The following JADE2 variants were observed in gnomAD, a reference collection of about 807,000 sequenced individuals.
JADE2 encodes the protein E3 ubiquitin-protein ligase Jade-2.
In JADE2, 13 loss-of-function variants were observed where a neutral mutation model predicts 85.7. The ratio of observed to expected loss-of-function variants is 0.15; its 90% CI spans 0.10 to 0.24. The LOEUF (loss-of-function observed/expected upper bound fraction) is 0.24, where lower values mean the gene tolerates loss of function less well. JADE2 is among the 10% of genes least tolerant of loss of function. The probability of loss-of-function intolerance (pLI) is 1.00; values close to 1 mark genes in which losing one functional copy is unlikely to be tolerated. For missense variants in JADE2, 846 were observed against 1,115.9 expected (o/e 0.76, Z 3.45); for synonymous variants, 440 against 456.1 (o/e 0.96, Z 0.45).
chr5:134,551,458 G>T (rs1340567662), intron 3 of JADE2, among the ~76,000 whole-genome samples: 2 of 151,746 alleles, frequency 1.3e-5, no homozygotes, highest in Non-Finnish European at 1.5e-5. Context: ...CAAAATCCTG[G>T]ATTCAAGCAG....
intron 3 of JADE2, among the ~76,000 whole-genome samples, chr5:134,539,043 TTTTATTTATTTA>T (rs58839611): frequency 1.6e-4 from 21 of 134,416 alleles, no homozygotes; most frequent in East Asian, 6.4e-4. Flanking sequence ...TTTATTTTTA[TTTTATTTATTTA>T]TTTATTTATT....
chr5:134,536,156 C>T (rs908905206), intron 2 of JADE2, among the ~76,000 whole-genome samples: 1 of 152,196 alleles, frequency 6.6e-6, no homozygotes, highest in African/African-American at 2.4e-5. Flanking sequence ...CTCTAGGTCC[C>T]AGCTCCATTT....
chr5:134,546,780 A>T (rs1240113021), intron 3 of JADE2, among the ~76,000 whole-genome samples: 1 of 150,744 alleles, frequency 6.6e-6, no homozygotes, highest in Admixed American at 6.6e-5. Flanking sequence ...AAAAAAAAAA[A>T]TGTGTATATA....
At chr5:134,538,476 G>A (rs1050918324) in intron 3 of JADE2, among the ~76,000 whole-genome samples, 5 of 152,194 alleles carry the variant, frequency 3.3e-5, no homozygotes, top group African/African-American at 1.2e-4. Context: ...GCCGAGCCAA[G>A]AGTGATAAGG....
At chr5:134,565,870 C>T (rs564135931) in intron 8 of JADE2, among the ~76,000 whole-genome samples, 265 of 151,296 alleles carry the variant, frequency 1.8e-3, no homozygotes, top group Admixed American at 3.9e-3. Context: ...GTTTCTCAAC[C>T]GTCTTCTGAT....
At position 134,578,347 on chromosome 5, in the gene JADE2, G is replaced by C. The variant is rs1422006395; in HGVS notation, c.1682-147G>C. On this transcript the variant is annotated intron_variant, in intron 11 of 11. Transcript: ENST00000681547. This position sits in a 1 kb window ranked among gnomAD's most constrained non-coding sequence, Gnocchi z 4.4. ...CTTTGGTGGTGTTGGCAGGAGGGAT[G>C]GACAAAACAAGATAGCTCACCTGGG... The C allele has an allele frequency of 4.6e-6, 3 of 657,690 alleles. No individual in the cohort carries two copies. Among genetic ancestry groups the C allele is most frequent in the Non-Finnish European group, 8.0e-6 (3 of 373,446 alleles). 40.7% of individuals were successfully genotyped at this position (657,690 alleles called of 1,614,324 possible).
chr5:134,526,568 G>A, intron 1 of JADE2: 1 of 985,370 alleles, frequency 1.0e-6, no homozygotes, highest in Non-Finnish European at 1.2e-6. Flanking sequence ...ACATGACCTC[G>A]CGCTGGGCTC....
chr5:134,529,128 T>A (rs1449479149), intron 1 of JADE2, among the ~76,000 whole-genome samples: 14 of 152,234 alleles, frequency 9.2e-5, no homozygotes, highest in Non-Finnish European at 2.9e-5. Flanking sequence ...CTTATGCTCA[T>A]GACACAGGTA....
At position 134,578,768 on chromosome 5, in the gene JADE2, A is replaced by G. The variant is rs755306072; in HGVS notation, c.1956A>G (p.Pro652=). The stretch of plus-strand genomic sequence containing the variant: ...TGCCTGCCAAGAAGAAACCACCACC[A>G]CCACCACCGCAGGACGGGCCTGGTT... ...TRLPAKKKPP[P]PPPQDGPGSR... Residue 652 remains proline, a synonymous_variant, in exon 12 of 12, where the codon CCA becomes CCG. Transcript: ENST00000681547. This position sits in a 1 kb window ranked among gnomAD's most constrained non-coding sequence, Gnocchi z 4.4. 2.1e-5 allele frequency: 34 copies of G among 1,613,324 alleles called. No homozygotes were observed. The highest frequency in any genetic ancestry group is 2.9e-5 in the Non-Finnish European group (34 of 1,179,940).
intron 3 of JADE2, among the ~76,000 whole-genome samples, chr5:134,545,140 A>G (rs1025698426): frequency 5.9e-5 from 9 of 152,330 alleles, no homozygotes; most frequent in Middle Eastern, 3.4e-3. Context: ...CCAGCCCACC[A>G]GCAGTTCCTT....
chr5:134,526,759 G>A, intron 1 of JADE2: 2 of 985,532 alleles, frequency 2.0e-6, no homozygotes, highest in Non-Finnish European at 2.4e-6. Context: ...CCCTTTCCAG[G>A]TGAGTGTGGA....
chr5:134,580,896 CACTGTGAGCTTTCCTAA>C lies in JADE2; in HGVS notation c.*1588_*1604del, dbSNP rs1406119457. The C allele has an allele frequency of 2.0e-5, 3 of 152,614 alleles. No homozygotes were observed. Among genetic ancestry groups the C allele is most frequent in the African/African-American group, 7.2e-5 (3 of 41,450 alleles). 9.5% of individuals were successfully genotyped at this position (152,614 alleles called of 1,614,324 possible). On this transcript the variant is annotated 3_prime_UTR_variant, in exon 12 of 12. Coordinates refer to ENST00000681547, the MANE Select transcript of JADE2 (RefSeq NM_001388185.1). ...TAGATTTCAGATCCTGGGCTGAGCC[CACTGTGAGCTTTCCTAA>C]ACTGTGAGACTCACAGAGGGGAAAG...
At chr5:134,538,165 C>A in intron 3 of JADE2, 82 bp downstream of exon 3, 1 of 1,151,916 alleles carries the variant, frequency 8.7e-7, no homozygotes. Flanking sequence ...GCATTCCTGG[C>A]AGAGGGCACG....
At position 134,566,226 on chromosome 5, in the gene JADE2, C is replaced by A. The variant is rs896882520; in HGVS notation, c.1080C>A (p.Phe360Leu). The A allele has an allele frequency of 6.2e-7, 1 of 1,614,052 alleles. No individual in the cohort carries two copies. The highest frequency in any genetic ancestry group is 8.5e-7 in the Non-Finnish European group (1 of 1,180,042). Residue 360 changes from phenylalanine to leucine, a missense_variant, in exon 9 of 12, where the codon TTC (phenylalanine) becomes TTA (leucine). By Grantham distance (22) the Phe-to-Leu change is conservative. Coordinates refer to ENST00000681547, the MANE Select transcript of JADE2 (RefSeq NM_001388185.1). This position sits in a 1 kb window ranked among gnomAD's most constrained non-coding sequence, Gnocchi z 6.7. ...ACGATGAGGTCAAGTTCAAGTCATTCTGCCAGGAGCACAGTGACGGGGGCC... is the reference window on the plus strand; with the variant it reads ...ACGATGAGGTCAAGTTCAAGTCATTATGCCAGGAGCACAGTGACGGGGGCC... Reference protein sequence around the residue: ...ADNDEVKFKSFCQEHSDGGPR... With the variant: ...ADNDEVKFKSLCQEHSDGGPR...
intron 1 of JADE2, among the ~76,000 whole-genome samples, chr5:134,528,920 G>A (rs1219864587): frequency 6.6e-6 from 1 of 152,202 alleles, no homozygotes; most frequent in African/African-American, 2.4e-5. Flanking sequence ...GCCAGTAACA[G>A]TGGTCCAAGA....
intron 3 of JADE2, among the ~76,000 whole-genome samples, chr5:134,546,629 G>T (rs922158899): frequency 6.6e-6 from 1 of 151,932 alleles, no homozygotes; most frequent in Admixed American, 6.6e-5. Flanking sequence ...TTAGCTGGGC[G>T]CGGTGGCCGG....
chr5:134,552,202 G>A lies in JADE2; in HGVS notation c.304G>A (p.Val102Met), dbSNP rs778831748. ...PAGAEAIPEP[V>M]VRILPPLEGP... ...CGGGGCAGAGGCCATCCCAGAGCCC[G>A]TGGTGAGGTGAGCCAGGCAGCCCAG... The change falls in exon 4 of 12, where the codon GTG (valine) becomes ATG (methionine). Residue 102 changes from valine to methionine, a missense_variant. Val to Met is a conservative substitution (Grantham distance 21). This residue lies in a region of JADE2 where 44 missense variants were observed against 92.0 expected (regional missense o/e 0.48). Transcript: ENST00000681547. 9.9e-6 allele frequency: 16 copies of A among 1,613,558 alleles called. No individual in the cohort carries two copies. The highest frequency in any genetic ancestry group is 3.3e-5 in the Admixed American group (2 of 59,938).
chr5:134,548,101 G>A (rs1032395920), intron 3 of JADE2, among the ~76,000 whole-genome samples: 2 of 152,392 alleles, frequency 1.3e-5, no homozygotes, highest in East Asian at 1.9e-4. Context: ...AAGTGCATCC[G>A]TGTGGTCACA....
chr5:134,534,919 T>C (rs371910126), intron 1 of JADE2, among the ~76,000 whole-genome samples: 2 of 152,196 alleles, frequency 1.3e-5, no homozygotes, highest in African/African-American at 4.8e-5. Flanking sequence ...GTGAGGATTA[T>C]AGGAAACAGT....
Sources: allele counts gnomAD v4.1 joint callset (sites outside exome capture counted in the v4.1 genomes callset), GRCh38; gene constraint gnomAD v4.1.1; regional missense constraint gnomAD v4.1.1; non-coding constraint Gnocchi (gnomAD v3.1); transcripts MANE v1.5; gene names NCBI Gene and HGNC (gene_info 2026-07-23, HGNC 2026-07-21).